The following PLPPR1 variants were observed in gnomAD, a reference collection of about 807,000 sequenced individuals.
PLPPR1 encodes the protein phospholipid phosphatase-related protein type 1.
In PLPPR1, 10 loss-of-function variants were observed where a neutral mutation model predicts 33.1. The ratio of observed to expected loss-of-function variants is 0.30; its 90% CI spans 0.19 to 0.51. The LOEUF is 0.51. PLPPR1 is among the 20% of genes least tolerant of loss of function. The pLI, the probability that PLPPR1 is intolerant of heterozygous loss-of-function variation, is 0.97. For synonymous variants in PLPPR1, 151 were observed against 151.0 expected (o/e 1.00, Z 0.00); for missense variants, 304 against 408.1 (o/e 0.74, Z 2.20).
At chr9:101,296,713 G>A (rs1052767388) in intron 4 of PLPPR1, among the ~76,000 whole-genome samples, 6 of 151,826 alleles carry the variant, frequency 4.0e-5, no homozygotes, top group Non-Finnish European at 5.9e-5. Context: ...ACCAAACACC[G>A]TATATTTTCA....
At chr9:101,270,451 T>C (rs899961849) in intron 3 of PLPPR1, among the ~76,000 whole-genome samples, 4 of 152,196 alleles carry the variant, frequency 2.6e-5, no homozygotes, top group African/African-American at 9.6e-5. Context: ...ATATAATGGC[T>C]GAGATTAGAG....
In PLPPR1 at chr9:101,317,413, A is replaced by G. The variant is rs1296631806; in HGVS notation, c.862A>G (p.Lys288Glu). Residue 288 changes from lysine to glutamate, a missense_variant, in exon 7 of 8, where the codon AAA becomes GAA. By Grantham distance (56) the Lys-to-Glu change is moderately conservative. Coordinates refer to ENST00000374874, the MANE Select transcript of PLPPR1 (RefSeq NM_207299.2). ...TAAAGGAACGCAAGGATCTCCTTCCAAACCCAAGCCTGAGGATCCCCGTGG... is the reference window on the plus strand; with the variant it reads ...TAAAGGAACGCAAGGATCTCCTTCCGAACCCAAGCCTGAGGATCCCCGTGG... ...NFKGTQGSPS[K>E]PKPEDPRGVP... is the part of the protein sequence containing the mutation. 2 of 1,614,094 alleles carry G rather than the reference A, an allele frequency of 1.2e-6. No homozygotes were observed. The highest frequency in any genetic ancestry group is 4.5e-5 in the East Asian group (2 of 44,870).
chr9:101,172,848 G>A (rs1454202932), intron 1 of PLPPR1, among the ~76,000 whole-genome samples: 1 of 151,958 alleles, frequency 6.6e-6, no homozygotes, highest in Non-Finnish European at 1.5e-5. Context: ...GCAATCATGG[G>A]GCTCACCTCT....
At chr9:101,136,779 G>A (rs1442163086) in intron 1 of PLPPR1, among the ~76,000 whole-genome samples, 1 of 152,158 alleles carries the variant, frequency 6.6e-6, no homozygotes, top group East Asian at 1.9e-4. Context: ...TCTTCTTGGG[G>A]TAGAATGATG....
intron 5 of PLPPR1, 48 bp downstream of exon 5, chr9:101,309,509 G>A (rs927222506): frequency 1.3e-6 from 2 of 1,591,828 alleles, no homozygotes; most frequent in African/African-American, 1.3e-5. Context: ...TTGATAGGAT[G>A]TGTGTCTCCC....
chr9:101,185,390 A>C (rs1588062846), intron 1 of PLPPR1, 60 bp from the exon 2 acceptor site: 4 of 592,964 alleles, frequency 6.7e-6, no homozygotes, highest in Middle Eastern at 2.7e-4. Flanking sequence ...TTTTTATGTA[A>C]GTACCTAAGG....
chr9:101,181,314 AGT>A (rs1179914884), intron 1 of PLPPR1, among the ~76,000 whole-genome samples: 1 of 150,858 alleles, frequency 6.6e-6, no homozygotes, highest in Admixed American at 6.6e-5. Flanking sequence ...AAAGATAGTA[AGT>A]GTTGACGATG....
intron 1 of PLPPR1, among the ~76,000 whole-genome samples, chr9:101,109,682 G>T (rs1457304945): frequency 1.3e-5 from 2 of 152,118 alleles, no homozygotes; most frequent in Non-Finnish European, 1.5e-5. Context: ...CATTCCCATG[G>T]CAAGATCTTA....
chr9:101,267,220 T>C (rs1828014379), intron 2 of PLPPR1, among the ~76,000 whole-genome samples: 1 of 152,208 alleles, frequency 6.6e-6, no homozygotes, highest in Non-Finnish European at 1.5e-5. Flanking sequence ...TCAACTCACT[T>C]AACAAGTCAA....
intron 6 of PLPPR1, among the ~76,000 whole-genome samples, chr9:101,316,816 T>C (rs1264243753): frequency 3.3e-5 from 5 of 152,100 alleles, no homozygotes; most frequent in South Asian, 2.1e-4. Flanking sequence ...CCAGCTAACA[T>C]GGACTGAATA....
At chr9:101,302,731 A>AT (rs1426894859) in intron 4 of PLPPR1, among the ~76,000 whole-genome samples, 15 of 152,126 alleles carry the variant, frequency 9.9e-5, no homozygotes, top group Admixed American at 3.9e-4. Flanking sequence ...GTGGGATAAG[A>AT]TTTTTTTATC....
intron 1 of PLPPR1, among the ~76,000 whole-genome samples, chr9:101,179,591 A>G (rs1835664): frequency 0.61 from 93,206 of 151,922 alleles, 29,582 homozygotes; most frequent in African/African-American, 0.71. Flanking sequence ...GTACATTTCC[A>G]GTTGTATGAA....
intron 2 of PLPPR1, among the ~76,000 whole-genome samples, chr9:101,192,989 A>C (rs1826324087): frequency 6.6e-6 from 1 of 152,130 alleles, no homozygotes; most frequent in African/African-American, 2.4e-5. Context: ...TAAGTTCTAA[A>C]ATGAGCTATG....
chr9:101,037,310 T>C (rs1830021410), intron 1 of PLPPR1, among the ~76,000 whole-genome samples: 1 of 152,140 alleles, frequency 6.6e-6, no homozygotes, highest in African/African-American at 2.4e-5. Flanking sequence ...GAAAGGGCTT[T>C]TTCTCTGGGT....
intron 4 of PLPPR1, among the ~76,000 whole-genome samples, chr9:101,294,636 G>T (rs1828585470): frequency 6.6e-6 from 1 of 152,136 alleles, no homozygotes; most frequent in Non-Finnish European, 1.5e-5. Flanking sequence ...TGGGATGCAA[G>T]GCTGGTTCAG....
intron 1 of PLPPR1, among the ~76,000 whole-genome samples, chr9:101,093,013 T>C (rs1830766734): frequency 6.6e-6 from 1 of 152,270 alleles, no homozygotes; most frequent in South Asian, 2.1e-4. Context: ...TCTAGGACTT[T>C]CCAGCTTCCA....
chr9:101,315,908 G>C (rs983349373), intron 6 of PLPPR1, among the ~76,000 whole-genome samples: 1 of 152,242 alleles, frequency 6.6e-6, no homozygotes, highest in Non-Finnish European at 1.5e-5. Flanking sequence ...AATGTGGGAG[G>C]AAGGGGAAGG....
intron 1 of PLPPR1, among the ~76,000 whole-genome samples, chr9:101,039,120 G>A (rs1830046072): frequency 6.6e-6 from 1 of 152,080 alleles, no homozygotes. Context: ...CATGATAGTA[G>A]CATAAATAGA....
chr9:101,309,898 A>G (rs1402840127), intron 5 of PLPPR1, among the ~76,000 whole-genome samples: 2 of 152,176 alleles, frequency 1.3e-5, no homozygotes, highest in Non-Finnish European at 2.9e-5. Flanking sequence ...CATGGGCCTT[A>G]TATGAATGAC....
Sources: gnomAD v4.1 joint callset for allele counts (sites outside exome capture counted in the v4.1 genomes callset) on GRCh38, gnomAD v4.1.1 for gene constraint, MANE v1.5 for transcripts, NCBI Gene and HGNC (gene_info 2026-07-23, HGNC 2026-07-21) for gene names.